The following EXOC4 variants were observed in gnomAD, a reference collection of about 807,000 sequenced individuals.
The protein encoded by EXOC4 is exocyst complex component 4, also known as SEC8-like 1.
A neutral mutation model predicts 107.2 loss-of-function variants in EXOC4; 71 were observed. That is an observed-to-expected ratio of 0.66 (90% CI 0.55 to 0.81). The LOEUF is 0.81. Among genes scored for constraint, EXOC4 ranks in the 30% least tolerant of loss-of-function variants. EXOC4 has a pLI of 0.00. For synonymous variants in EXOC4, 456 were observed against 441.2 expected (o/e 1.03, Z -0.42); for missense variants, 1,108 against 1,189.6 (o/e 0.93, Z 1.01).
At chr7:133,822,982 C>T (rs1328258407) in intron 11 of EXOC4, among the ~76,000 whole-genome samples, 3 of 152,174 alleles carry the variant, frequency 2.0e-5, no homozygotes, top group African/African-American at 7.2e-5. Flanking sequence ...TAGTCTAGCA[C>T]ATTGATTTTG....
chr7:133,988,716 T>C (rs1395057232), intron 14 of EXOC4, among the ~76,000 whole-genome samples: 2 of 152,070 alleles, frequency 1.3e-5, no homozygotes, highest in Non-Finnish European at 2.9e-5. Context: ...AGGTGTAGAA[T>C]CATGAGACAG....
At chr7:133,642,480 G>C (rs1802881441) in intron 10 of EXOC4, among the ~76,000 whole-genome samples, 1 of 152,146 alleles carries the variant, frequency 6.6e-6, no homozygotes, top group Admixed American at 6.5e-5. Context: ...GTTCTACTTA[G>C]AAGATCCTTG....
chr7:133,649,620 C>T (rs1304538284), intron 10 of EXOC4, among the ~76,000 whole-genome samples: 2 of 152,078 alleles, frequency 1.3e-5, no homozygotes, highest in African/African-American at 4.8e-5. Flanking sequence ...TACTTTCAGT[C>T]ACCACCTTCT....
intron 10 of EXOC4, among the ~76,000 whole-genome samples, chr7:133,787,146 TTTTTTCTTTTC>T (rs1454550781): frequency 6.8e-6 from 1 of 146,190 alleles, no homozygotes; most frequent in African/African-American, 2.5e-5. Flanking sequence ...TTTTTTCTTG[TTTTTTCTTTTC>T]TTTTTTTTTT....
intron 14 of EXOC4, among the ~76,000 whole-genome samples, chr7:133,978,274 CAAAT>C (rs1460130603): frequency 6.6e-6 from 1 of 152,198 alleles, no homozygotes; most frequent in Non-Finnish European, 1.5e-5. Flanking sequence ...TCTAGAATCA[CAAAT>C]AAAAGCCAGT....
At chr7:133,280,684 G>T (rs1186166670) in intron 2 of EXOC4, among the ~76,000 whole-genome samples, 3 of 152,076 alleles carry the variant, frequency 2.0e-5, no homozygotes, top group African/African-American at 4.8e-5. Flanking sequence ...AGTTGTTAGG[G>T]CTTAATCATT....
At chr7:133,267,395 G>C (rs1374923597) in intron 1 of EXOC4, among the ~76,000 whole-genome samples, 1 of 152,096 alleles carries the variant, frequency 6.6e-6, no homozygotes, top group Non-Finnish European at 1.5e-5. Flanking sequence ...CATGTTCCTT[G>C]AGCAGGCTAA....
At position 133,317,145 on chromosome 7, in the gene EXOC4, A is replaced by G. The variant is rs777967333; in HGVS notation, c.657-139A>G. ...TGGAAATATACTGGGGAGATCCAGT[A>G]TAGTATATACTGGGGAGATCCAGTT... On this transcript the variant is annotated intron_variant, in intron 4 of 17. Transcript: ENST00000253861. 3.2e-5 allele frequency: 20 copies of G among 622,582 alleles called. No homozygotes were observed. The African/African-American group carries it at 3.7e-4, about 11-fold the overall frequency. The allele number at this position is 622,582 out of a possible 1,614,324, so 38.6% of individuals were successfully genotyped here.
intron 9 of EXOC4, among the ~76,000 whole-genome samples, chr7:133,499,675 G>T (rs1799540710): frequency 6.6e-6 from 1 of 152,156 alleles, no homozygotes; most frequent in Non-Finnish European, 1.5e-5. Context: ...GGGCCTGATG[G>T]GGGTGGTTGG....
chr7:133,511,920 C>T lies in EXOC4; in HGVS notation c.1417+31782C>T, dbSNP rs115534980. Among the ~76,000 whole-genome samples, 895 of 152,288 alleles carry T rather than the reference C, an allele frequency of 5.9e-3. 9 individuals are homozygous for T. The highest frequency in any genetic ancestry group is 0.019 in the African/African-American group (805 of 41,554). ...GTCCTGTGTGAAATGCTCCTCTCCC[C>T]GCCCTTCTCATTCCTTCCCACCACT... On this transcript the variant is annotated intron_variant, in intron 9 of 17. Coordinates refer to ENST00000253861, the MANE Select transcript of EXOC4 (RefSeq NM_021807.4).
At chr7:133,843,828 T>TA (rs1482293356) in intron 11 of EXOC4, among the ~76,000 whole-genome samples, 2 of 152,204 alleles carry the variant, frequency 1.3e-5, no homozygotes, top group Non-Finnish European at 2.9e-5. Context: ...TATTTTGAGT[T>TA]ATGTTCCTTC....
At chr7:133,266,961 G>T (rs953083540) in intron 1 of EXOC4, among the ~76,000 whole-genome samples, 4 of 152,202 alleles carry the variant, frequency 2.6e-5, no homozygotes, top group African/African-American at 4.8e-5. Context: ...AGGAAGCTCA[G>T]ATTTAGTTTG....
intron 9 of EXOC4, among the ~76,000 whole-genome samples, chr7:133,500,891 G>A (rs1350078748): frequency 6.6e-6 from 1 of 152,104 alleles, no homozygotes; most frequent in African/African-American, 2.4e-5. Flanking sequence ...TCAGGCCTTG[G>A]AAGTTAGAAT....
At position 133,857,279 on chromosome 7, in the gene EXOC4, ATATATATATATATATATACACG is replaced by A. The variant is rs1291675126; in HGVS notation, c.1735-38301_1735-38280del. ...TATATATATATATATATATACACGTATATATATATATATATATACACGTATATATATATATATATATACACGT... is the reference window on the plus strand; with the variant it reads ...TATATATATATATATATATACACGTATATATATATATATATATATACACGT... On this transcript the variant is annotated intron_variant, in intron 11 of 17. Coordinates refer to ENST00000253861, the MANE Select transcript of EXOC4 (RefSeq NM_021807.4). Among the ~76,000 whole-genome samples, 3 of 32,046 alleles carry A rather than the reference ATATATATATATATATATACACG, an allele frequency of 9.4e-5. 1 individual carries two copies. Among genetic ancestry groups the A allele is most frequent in the Admixed American group, 8.7e-4 (2 of 2,304 alleles). 21.0% of individuals were successfully genotyped at this position (32,046 alleles called of 152,430 possible).
intron 9 of EXOC4, among the ~76,000 whole-genome samples, chr7:133,501,915 C>G (rs1799582762): frequency 6.6e-6 from 1 of 152,164 alleles, no homozygotes; most frequent in African/African-American, 2.4e-5. Flanking sequence ...AGCGGATTAG[C>G]TGCACTGTCT....
At chr7:133,834,971 A>G (rs1331197564) in intron 11 of EXOC4, among the ~76,000 whole-genome samples, 1 of 151,906 alleles carries the variant, frequency 6.6e-6, no homozygotes, top group Non-Finnish European at 1.5e-5. Flanking sequence ...AGAAATGGGA[A>G]TCTCCCTGCA....
chr7:133,446,599 GA>G (rs1798225991), intron 7 of EXOC4, among the ~76,000 whole-genome samples: 1 of 152,140 alleles, frequency 6.6e-6, no homozygotes, highest in South Asian at 2.1e-4. Context: ...TACAGAAATC[GA>G]GATGAAGCCA....
intron 17 of EXOC4, among the ~76,000 whole-genome samples, chr7:134,028,471 C>T (rs181966801): frequency 8.6e-4 from 131 of 152,248 alleles, no homozygotes; most frequent in Middle Eastern, 3.4e-3. Context: ...ATATAAGAAC[C>T]GCAATTATGT....
At chr7:133,502,989 A>C (rs948659600) in intron 9 of EXOC4, among the ~76,000 whole-genome samples, 1 of 152,134 alleles carries the variant, frequency 6.6e-6, no homozygotes, top group Non-Finnish European at 1.5e-5. Context: ...TCATATTTGC[A>C]TGTATGATGA....
Sources: gnomAD v4.1 joint callset for allele counts (sites outside exome capture counted in the v4.1 genomes callset) on GRCh38, gnomAD v4.1.1 for gene constraint, MANE v1.5 for transcripts, NCBI Gene and HGNC (gene_info 2026-07-23, HGNC 2026-07-21) for gene names.